The following RBMS3 variants were observed in gnomAD, a reference collection of about 807,000 sequenced individuals.
RBMS3 encodes the protein RNA-binding motif, single-stranded-interacting protein 3.
RBMS3 carries 27 observed loss-of-function variants against 66.8 expected under a neutral mutation model. The observed-to-expected ratio is 0.40, with a 90% CI of 0.30 to 0.56. RBMS3 has a LOEUF of 0.56. Among genes scored for constraint, RBMS3 ranks in the 20% least tolerant of loss-of-function variants. The pLI, the probability that RBMS3 is intolerant of heterozygous loss-of-function variation, is 0.40. For synonymous variants in RBMS3, 188 were observed against 183.0 expected (o/e 1.03, Z -0.22); for missense variants, 513 against 549.5 (o/e 0.93, Z 0.66).
chr3:29,392,963 A>C (rs2039374430), intron 1 of RBMS3, among the ~76,000 whole-genome samples: 1 of 152,066 alleles, frequency 6.6e-6, no homozygotes, highest in Non-Finnish European at 1.5e-5. Context: ...TTTTCACCTA[A>C]ATGTCAGGGT....
intron 12 of RBMS3, among the ~76,000 whole-genome samples, chr3:29,974,657 T>G (rs1184553996): frequency 6.6e-6 from 1 of 151,448 alleles, no homozygotes. Flanking sequence ...ATTTGTCTTA[T>G]TTTTAAGCTT....
At chr3:29,665,558 G>T (rs1180037506) in intron 4 of RBMS3, among the ~76,000 whole-genome samples, 1 of 152,016 alleles carries the variant, frequency 6.6e-6, no homozygotes, top group African/African-American at 2.4e-5. Flanking sequence ...TAAACATTCT[G>T]ATAATAGTCC....
chr3:29,884,129 AT>A, intron 7 of RBMS3, 32 bp from the exon 8 acceptor site: 2 of 1,588,642 alleles, frequency 1.3e-6, no homozygotes, highest in Non-Finnish European at 1.7e-6. Context: ...AAACGTTAAG[AT>A]TTGTTTTCTT....
At chr3:29,760,785 G>A (rs1422464685) in intron 5 of RBMS3, among the ~76,000 whole-genome samples, 2 of 152,056 alleles carry the variant, frequency 1.3e-5, no homozygotes, top group African/African-American at 2.4e-5. Flanking sequence ...GAAAGATTCC[G>A]CTTGCCTTTC....
In RBMS3 at chr3:29,977,169, G is replaced by A. The variant is rs149956072; in HGVS notation, c.1099-10974G>A. ...GTTAACCAGCTTCATCAGTTTTATA[G>A]CAAGGACTGGAAGCACCAATTTAAA... On this transcript the variant is annotated intron_variant, in intron 12 of 14. Transcript: ENST00000383767. 1.2e-3 allele frequency among the ~76,000 whole-genome samples: 181 copies of A among 152,074 alleles called. 1 individual carries two copies. Among genetic ancestry groups the A allele is most frequent in the African/African-American group, 4.2e-3 (176 of 41,494 alleles).
intron 6 of RBMS3, among the ~76,000 whole-genome samples, chr3:29,781,583 A>G (rs2056632987): frequency 6.6e-6 from 1 of 152,090 alleles, no homozygotes; most frequent in Non-Finnish European, 1.5e-5. Context: ...TACCTGAGAA[A>G]CTCATTGTCT....
At chr3:29,640,305 G>A (rs9838860) in intron 4 of RBMS3, among the ~76,000 whole-genome samples, 8 of 150,436 alleles carry the variant, frequency 5.3e-5, no homozygotes, top group Non-Finnish European at 7.4e-5. Context: ...CACGAAAGAC[G>A]GAAAGAAAAC....
chr3:29,463,737 T>C (rs2042447518), intron 2 of RBMS3, among the ~76,000 whole-genome samples: 1 of 151,606 alleles, frequency 6.6e-6, no homozygotes. Context: ...ATCAGTGGAG[T>C]GGACATCCTC....
At chr3:29,310,304 G>T (rs1227283717) in intron 1 of RBMS3, among the ~76,000 whole-genome samples, 3 of 151,688 alleles carry the variant, frequency 2.0e-5, no homozygotes, top group Non-Finnish European at 4.4e-5. Flanking sequence ...AATAAGCTGG[G>T]GGGGCCCGGA....
chr3:29,444,466 G>A (rs906551651), intron 2 of RBMS3, among the ~76,000 whole-genome samples: 3 of 151,992 alleles, frequency 2.0e-5, no homozygotes, highest in Non-Finnish European at 2.9e-5. Flanking sequence ...GAATTCTGAG[G>A]TTCTAAGAGA....
chr3:29,405,257 G>A (rs1180832969), intron 1 of RBMS3, among the ~76,000 whole-genome samples: 6 of 152,128 alleles, frequency 3.9e-5, no homozygotes, highest in African/African-American at 1.4e-4. Flanking sequence ...TCTCTGAGAA[G>A]ACAGATCCTG....
chr3:29,504,886 C>T (rs2148944032), intron 3 of RBMS3, among the ~76,000 whole-genome samples: 1 of 152,170 alleles, frequency 6.6e-6, no homozygotes, highest in Non-Finnish European at 1.5e-5. Flanking sequence ...CTTTGTATGT[C>T]TTCTTTTGAG....
At chr3:29,445,730 A>C (rs956466743) in intron 2 of RBMS3, among the ~76,000 whole-genome samples, 1 of 152,134 alleles carries the variant, frequency 6.6e-6, no homozygotes, top group Admixed American at 6.5e-5. Flanking sequence ...ATTGAGAATA[A>C]GGTACAGTTA....
intron 12 of RBMS3, among the ~76,000 whole-genome samples, chr3:29,963,965 C>A (rs552774330): frequency 1.3e-5 from 2 of 152,174 alleles, no homozygotes; most frequent in African/African-American, 4.8e-5. Flanking sequence ...TGGCTTATTT[C>A]ATCATATTTC....
At chr3:29,388,703 C>T (rs1387854687) in intron 1 of RBMS3, among the ~76,000 whole-genome samples, 2 of 152,098 alleles carry the variant, frequency 1.3e-5, no homozygotes, top group African/African-American at 4.8e-5. Context: ...GTAGCTGGGA[C>T]TACAGGCAAC....
intron 1 of RBMS3, among the ~76,000 whole-genome samples, chr3:29,330,727 G>A (rs906798595): frequency 5.3e-5 from 8 of 152,246 alleles, no homozygotes; most frequent in Admixed American, 3.9e-4. Flanking sequence ...TGCTCACCCT[G>A]TGAAATGCTT....
intron 4 of RBMS3, among the ~76,000 whole-genome samples, chr3:29,657,776 A>C (rs906396394): frequency 3.3e-5 from 5 of 152,158 alleles, no homozygotes; most frequent in Non-Finnish European, 7.3e-5. Context: ...CTTTTAACTC[A>C]ATGTTTTATA....
At chr3:29,527,434 C>G (rs2045173297) in intron 3 of RBMS3, among the ~76,000 whole-genome samples, 1 of 152,088 alleles carries the variant, frequency 6.6e-6, no homozygotes, top group African/African-American at 2.4e-5. Context: ...TTGGCCGGAA[C>G]TCAGATATTT....
chr3:29,442,880 CTCT>C (rs1231331759), intron 2 of RBMS3, among the ~76,000 whole-genome samples: 2 of 152,016 alleles, frequency 1.3e-5, no homozygotes, highest in Non-Finnish European at 2.9e-5. Context: ...TTTCTACTTT[CTCT>C]TCTTCTACCT....
Sources: allele counts gnomAD v4.1 joint callset (sites outside exome capture counted in the v4.1 genomes callset), GRCh38; gene constraint gnomAD v4.1.1; transcripts MANE v1.5; gene names NCBI Gene and HGNC (gene_info 2026-07-23, HGNC 2026-07-21).